CPNE4: variants seen among roughly 807,000 people sequenced by gnomAD.
CPNE4 encodes copine-4.
A neutral mutation model predicts 67.9 loss-of-function variants in CPNE4; 25 were observed. That is an observed-to-expected ratio of 0.37 (90% CI 0.27 to 0.51). The LOEUF (loss-of-function observed/expected upper bound fraction) is 0.51, where lower values mean the gene tolerates loss of function less well. CPNE4 is among the 20% of genes least tolerant of loss of function. The pLI is 0.93. For missense variants in CPNE4, 464 were observed against 690.8 expected, an observed-to-expected ratio of 0.67 and a Z score of 3.68; for synonymous variants, 242 against 244.9, an observed-to-expected ratio of 0.99 and a Z score of 0.11.
intron 2 of CPNE4, among the ~76,000 whole-genome samples, chr3:131,804,492 T>C (rs889433800): frequency 2.0e-5 from 3 of 152,220 alleles, no homozygotes; most frequent in Non-Finnish European, 2.9e-5. Flanking sequence ...TAACCTGATC[T>C]GTAGGACTAG....
At chr3:131,607,099 TCTC>T (rs928759477) in intron 7 of CPNE4, among the ~76,000 whole-genome samples, 3 of 151,332 alleles carry the variant, frequency 2.0e-5, no homozygotes, top group African/African-American at 4.9e-5. Flanking sequence ...GAGAAGCAAT[TCTC>T]CTCCTCTAAA....
chr3:131,848,956 C>CAAAAAAAAAA lies in CPNE4; in HGVS notation c.180+56298_180+56307dup, dbSNP rs67407668. Among the ~76,000 whole-genome samples the CAAAAAAAAAA allele has an allele frequency of 8.9e-4, 71 of 79,634 alleles. 10 individuals are homozygous for CAAAAAAAAAA. The highest frequency in any genetic ancestry group is 3.8e-3 in the African/African-American group (55 of 14,504). The allele number at this position is 79,634 out of a possible 152,430, so 52.2% of individuals were successfully genotyped here. On this transcript the variant is annotated intron_variant, in intron 2 of 15. Coordinates refer to ENST00000429747, the MANE Select transcript of CPNE4 (RefSeq NM_130808.3). ...ACTGGTGGAATGACAGTAGTGATTA[C>CAAAAAAAAAA]AAAAAAAAAAAAAAAAAAAAAAAAA...
intron 1 of CPNE4, among the ~76,000 whole-genome samples, chr3:131,946,754 T>C (rs992522753): frequency 6.6e-6 from 1 of 152,230 alleles, no homozygotes; most frequent in Admixed American, 6.5e-5. Context: ...TTGTTTACTT[T>C]GTTTAGTTCA....
intron 2 of CPNE4, among the ~76,000 whole-genome samples, chr3:131,825,874 G>A (rs1583276500): frequency 6.6e-6 from 1 of 152,294 alleles, no homozygotes; most frequent in South Asian, 2.1e-4. Context: ...GCAAGACAGA[G>A]TTGGAAGTAA....
chr3:131,557,084 A>G (rs1378577618), intron 11 of CPNE4, among the ~76,000 whole-genome samples: 1 of 152,082 alleles, frequency 6.6e-6, no homozygotes. Flanking sequence ...GTAGTATTAA[A>G]TGTGATTTTC....
chr3:131,676,807 T>C (rs1038963596), intron 6 of CPNE4, among the ~76,000 whole-genome samples: 3 of 152,190 alleles, frequency 2.0e-5, no homozygotes, highest in Non-Finnish European at 2.9e-5. Flanking sequence ...GTTGATTCCA[T>C]GTTTTTGTTA....
intron 2 of CPNE4, among the ~76,000 whole-genome samples, chr3:131,875,799 T>G (rs34294494): frequency 6.6e-6 from 1 of 151,938 alleles, no homozygotes; most frequent in Non-Finnish European, 1.5e-5. Context: ...CAAACCTGCA[T>G]GTTGTGCACA....
intron 2 of CPNE4, among the ~76,000 whole-genome samples, chr3:131,802,189 G>A (rs2084156536): frequency 6.6e-6 from 1 of 152,138 alleles, no homozygotes; most frequent in African/African-American, 2.4e-5. Context: ...AGAAATATGG[G>A]AGAGAACAGG....
intron 2 of CPNE4, among the ~76,000 whole-genome samples, chr3:131,861,487 A>C (rs1398965473): frequency 6.7e-6 from 1 of 149,940 alleles, no homozygotes; most frequent in Non-Finnish European, 1.5e-5. Context: ...CTGGAGTGCA[A>C]TGGCACGATC....
At chr3:132,021,866 A>C (rs1234002116) in intron 1 of CPNE4, among the ~76,000 whole-genome samples, 1 of 152,194 alleles carries the variant, frequency 6.6e-6, no homozygotes, top group Non-Finnish European at 1.5e-5. Flanking sequence ...AAAACACAGG[A>C]AGGGAATCGG....
intron 7 of CPNE4, among the ~76,000 whole-genome samples, chr3:131,610,562 T>C (rs984667892): frequency 1.3e-5 from 2 of 152,204 alleles, no homozygotes; most frequent in Admixed American, 6.5e-5. Context: ...ATGTTGTTCA[T>C]TGAGACAACT....
intron 1 of CPNE4, among the ~76,000 whole-genome samples, chr3:131,999,850 C>T (rs2073385041): frequency 6.6e-6 from 1 of 151,960 alleles, no homozygotes; most frequent in South Asian, 2.1e-4. Context: ...AAGTACTGGG[C>T]AAATAATTCA....
At chr3:131,843,279 C>A (rs1560445708) in intron 2 of CPNE4, among the ~76,000 whole-genome samples, 1 of 152,184 alleles carries the variant, frequency 6.6e-6, no homozygotes, top group Non-Finnish European at 1.5e-5. Flanking sequence ...AGAGAATCTG[C>A]AAGTTATTTG....
chr3:131,596,800 C>A (rs1938908264), intron 7 of CPNE4, among the ~76,000 whole-genome samples: 1 of 152,060 alleles, frequency 6.6e-6, no homozygotes, highest in African/African-American at 2.4e-5. Flanking sequence ...TCCAGTCTGC[C>A]CTTCCTGATG....
intron 13 of CPNE4, 116 bp from the exon 14 acceptor site, chr3:131,550,196 T>C: frequency 9.6e-7 from 1 of 1,043,706 alleles, no homozygotes; most frequent in Non-Finnish European, 1.4e-6. Flanking sequence ...CAACATCATG[T>C]TTATGTTCTT....
chr3:131,588,660 TCC>T (rs928230375), intron 7 of CPNE4, among the ~76,000 whole-genome samples: 1 of 152,154 alleles, frequency 6.6e-6, no homozygotes, highest in Non-Finnish European at 1.5e-5. Flanking sequence ...AAACATTGTT[TCC>T]CCCTAAATTT....
intron 11 of CPNE4, among the ~76,000 whole-genome samples, chr3:131,561,976 T>A (rs1936795131): frequency 6.6e-6 from 1 of 152,208 alleles, no homozygotes; most frequent in African/African-American, 2.4e-5. Context: ...CCCATTTTAA[T>A]GTTGAGCTGC....
chr3:131,842,946 C>A (rs2085852127), intron 2 of CPNE4, among the ~76,000 whole-genome samples: 1 of 152,070 alleles, frequency 6.6e-6, no homozygotes, highest in Non-Finnish European at 1.5e-5. Context: ...GAACAAGCCA[C>A]AAATCCATAT....
At chr3:131,861,104 A>G (rs546419045) in intron 2 of CPNE4, among the ~76,000 whole-genome samples, 15 of 152,342 alleles carry the variant, frequency 9.8e-5, no homozygotes, top group African/African-American at 3.4e-4. Flanking sequence ...ATATATAACC[A>G]AACTTTATAG....
Sources: allele counts gnomAD v4.1 joint callset (sites outside exome capture counted in the v4.1 genomes callset), GRCh38; gene constraint gnomAD v4.1.1; transcripts MANE v1.5; gene names NCBI Gene and HGNC (gene_info 2026-07-23, HGNC 2026-07-21).